The following ITSN1 variants were observed in gnomAD, a reference collection of about 807,000 sequenced individuals.
The protein encoded by ITSN1 is intersectin-1.
In ITSN1, 58 loss-of-function variants were observed where a neutral mutation model predicts 239.8. That is an observed-to-expected ratio of 0.24 (90% confidence interval 0.20 to 0.30). The LOEUF is 0.30. Ranked by LOEUF, ITSN1 falls within the 10% of genes least tolerant of loss-of-function variation. The pLI, the probability that ITSN1 is intolerant of heterozygous loss-of-function variation, is 1.00. For synonymous variants in ITSN1, 780 were observed against 770.8 expected (o/e 1.01, Z -0.20); for missense variants, 1,558 against 2,103.3 (o/e 0.74, Z 5.07).
intron 31 of ITSN1, among the ~76,000 whole-genome samples, chr21:33,864,842 G>A (rs1458079245): frequency 6.6e-6 from 1 of 152,116 alleles, no homozygotes; most frequent in African/African-American, 2.4e-5. Context: ...TTTCACCACC[G>A]ATAATCTGTG....
At chr21:33,752,773 C>G (rs7280640) in intron 7 of ITSN1, among the ~76,000 whole-genome samples, 46,907 of 150,300 alleles carry the variant, frequency 0.31, 7,690 homozygotes, top group East Asian at 0.56. Context: ...GAGATCGAGG[C>G]TGCAGTAAGC....
intron 1 of ITSN1, among the ~76,000 whole-genome samples, chr21:33,661,797 T>C (rs759557324): frequency 6.6e-6 from 1 of 152,140 alleles, no homozygotes; most frequent in Non-Finnish European, 1.5e-5. Flanking sequence ...CATTTGGCTC[T>C]CATTTCTCTC....
chr21:33,707,980 T>C (rs2092301652), intron 1 of ITSN1, among the ~76,000 whole-genome samples: 1 of 152,266 alleles, frequency 6.6e-6, no homozygotes, highest in African/African-American at 2.4e-5. Flanking sequence ...TAAAAGTTTG[T>C]ACAATTTTAC....
intron 17 of ITSN1, 123 bp downstream of exon 17, chr21:33,794,591 A>C (rs1196563993): frequency 7.8e-7 from 1 of 1,288,916 alleles, no homozygotes; most frequent in East Asian, 2.4e-5. Flanking sequence ...GTGCATGTGA[A>C]GTGTGAGTGC....
Position 33,829,682 on chromosome 21 carries a change from C to T in ITSN1, c.3288C>T (p.Ala1096=). Reference sequence around the variant, plus strand: ...CCGGCCCCGAGCAGCTCACTCTCGCCCCTGGTCAGCTGATTTTGATCCGAA... The same window carrying T: ...CCGGCCCCGAGCAGCTCACTCTCGCTCCTGGTCAGCTGATTTTGATCCGAA... ...TATGPEQLTL[A]PGQLILIRKK... is the part of the protein sequence containing the mutation. The change falls in exon 27 of 40, where the codon GCC becomes GCT. Residue 1096 remains alanine (A), a synonymous_variant. Transcript: ENST00000381318. 6.2e-7 allele frequency: 1 copy of T among 1,612,872 alleles called. No individual in the cohort carries two copies. Among genetic ancestry groups the T allele is most frequent in the East Asian group, 2.2e-5 (1 of 44,884 alleles).
chr21:33,822,967 A>G (rs1214264569), intron 24 of ITSN1, among the ~76,000 whole-genome samples: 1 of 152,258 alleles, frequency 6.6e-6, no homozygotes, highest in Non-Finnish European at 1.5e-5. Flanking sequence ...AAGGAAAAGT[A>G]TGTCTTATTT....
At chr21:33,792,265 C>T (rs368759268) in intron 16 of ITSN1, among the ~76,000 whole-genome samples, 1 of 152,052 alleles carries the variant, frequency 6.6e-6, no homozygotes, top group South Asian at 2.1e-4. Flanking sequence ...AGTGCAGTGG[C>T]GCGATCTTGG....
intron 31 of ITSN1, among the ~76,000 whole-genome samples, chr21:33,862,189 T>C (rs549693957): frequency 2.8e-3 from 282 of 102,254 alleles, no homozygotes; most frequent in Non-Finnish European, 5.0e-3. Context: ...AAAAAAAAAA[T>C]GATAGCAGAA....
At chr21:33,876,622 C>A (rs191193346) in intron 34 of ITSN1, among the ~76,000 whole-genome samples, 9 of 152,290 alleles carry the variant, frequency 5.9e-5, no homozygotes, top group Non-Finnish European at 8.8e-5. Context: ...TATTCCTGGC[C>A]AGGTGCCGTG....
chr21:33,836,521 G>A lies in ITSN1; in HGVS notation c.3550G>A (p.Val1184Ile), dbSNP rs764971322. 1.9e-6 allele frequency: 3 copies of A among 1,613,966 alleles called. No individual in the cohort carries two copies. The highest frequency in any genetic ancestry group is 1.3e-5 in the African/African-American group (1 of 74,914). Residue 1184 changes from valine (V) to isoleucine (I), a missense_variant, in exon 29 of 40, where the codon GTC (valine) becomes ATC (isoleucine). Transcript: ENST00000381318. Reference sequence around the variant, plus strand: ...CTTCAACAAGGGCCAGATCATCAACGTCCTCAACAAGGAGGACCCTGACTG... The same window carrying A: ...CTTCAACAAGGGCCAGATCATCAACATCCTCAACAAGGAGGACCCTGACTG... The part of the protein sequence containing the change: ...LAFNKGQIIN[V>I]LNKEDPDWWK...
chr21:33,787,264 A>C (rs543831753), intron 16 of ITSN1, among the ~76,000 whole-genome samples: 1 of 152,350 alleles, frequency 6.6e-6, no homozygotes, highest in South Asian at 2.1e-4. Context: ...TATTTGGGTC[A>C]TGTGCATGTT....
intron 8 of ITSN1, among the ~76,000 whole-genome samples, chr21:33,757,559 T>G (rs2068011915): frequency 6.6e-6 from 1 of 152,184 alleles, no homozygotes; most frequent in South Asian, 2.1e-4. Flanking sequence ...TTTTTTTCCC[T>G]TTATGTACTT....
At chr21:33,710,952 C>T (rs949854102) in intron 1 of ITSN1, among the ~76,000 whole-genome samples, 4 of 151,928 alleles carry the variant, frequency 2.6e-5, no homozygotes, top group Admixed American at 6.6e-5. Flanking sequence ...ACTACAGGCG[C>T]GTGCTACCAC....
chr21:33,753,758 T>C (rs1445945007), intron 7 of ITSN1, among the ~76,000 whole-genome samples: 1 of 96,858 alleles, frequency 1.0e-5, no homozygotes, highest in South Asian at 2.9e-4. Flanking sequence ...CAAGTCTCTT[T>C]CTTAAAAAAA....
intron 29 of ITSN1, among the ~76,000 whole-genome samples, chr21:33,844,495 C>A (rs1465474616): frequency 6.6e-6 from 1 of 152,176 alleles, no homozygotes; most frequent in Non-Finnish European, 1.5e-5. Flanking sequence ...GAACGTTCAG[C>A]CCCCTAGACA....
At chr21:33,701,489 C>T (rs965775221) in intron 1 of ITSN1, among the ~76,000 whole-genome samples, 2 of 151,966 alleles carry the variant, frequency 1.3e-5, no homozygotes, top group Non-Finnish European at 2.9e-5. Flanking sequence ...TGCCTTTTCT[C>T]CCTTTAATTT....
In ITSN1 at chr21:33,894,010, G is replaced by A. The variant is rs1986539822; in HGVS notation, c.*5710G>A. Reference sequence around the variant, plus strand: ...GTGATCTCTCAGAAACATCTTAGTAGTTAATGCACTGTTCATTTAGGGAGT... The same window carrying A: ...GTGATCTCTCAGAAACATCTTAGTAATTAATGCACTGTTCATTTAGGGAGT... On this transcript the variant is annotated 3_prime_UTR_variant, in exon 40 of 40. Transcript: ENST00000381318. The A allele has an allele frequency of 6.6e-6, 1 of 152,192 alleles. No individual in the cohort carries two copies. Among genetic ancestry groups the A allele is most frequent in the Non-Finnish European group, 1.5e-5 (1 of 68,040 alleles). The allele number at this position is 152,192 out of a possible 1,614,324, so 9.4% of individuals were successfully genotyped here.
At position 33,815,068 on chromosome 21, in the gene ITSN1, T is replaced by A. The variant is rs556989825; in HGVS notation, c.2727+996T>A. Reference sequence around the variant, plus strand: ...GTTAAAGGGAAGAGTTGTGTTTTAGTTGTGTTGAGTTGAAGGTGAACGTGG... The same window carrying A: ...GTTAAAGGGAAGAGTTGTGTTTTAGATGTGTTGAGTTGAAGGTGAACGTGG... On this transcript the variant is annotated intron_variant, in intron 22 of 39. Coordinates refer to ENST00000381318, the MANE Select transcript of ITSN1 (RefSeq NM_003024.3). Among the ~76,000 whole-genome samples, 3 of 152,158 alleles carry A rather than the reference T, an allele frequency of 2.0e-5. No homozygotes were observed. In the East Asian group the frequency reaches 5.8e-4, roughly 29 times the overall value.
chr21:33,828,321 C>T (rs528230636), intron 26 of ITSN1, among the ~76,000 whole-genome samples: 1 of 152,184 alleles, frequency 6.6e-6, no homozygotes, highest in Non-Finnish European at 1.5e-5. Flanking sequence ...GTCCTCATCC[C>T]AGCGTAGACA....
Sources: allele counts gnomAD v4.1 joint callset (sites outside exome capture counted in the v4.1 genomes callset), GRCh38; gene constraint gnomAD v4.1.1; transcripts MANE v1.5; gene names NCBI Gene and HGNC (gene_info 2026-07-23, HGNC 2026-07-21).